MAML3: variants seen among roughly 807,000 people sequenced by gnomAD.
The protein encoded by MAML3 is mastermind-like protein 3.
A neutral mutation model predicts 101.9 loss-of-function variants in MAML3; 27 were observed. The ratio of observed to expected loss-of-function variants is 0.27; its 90% confidence interval spans 0.20 to 0.37. The LOEUF (loss-of-function observed/expected upper bound fraction) is 0.37. MAML3 is among the 10% of genes least tolerant of loss of function. The pLI, the probability that MAML3 is intolerant of heterozygous loss-of-function variation, is 1.00. For missense variants in MAML3, 1,316 were observed against 1,444.9 expected (o/e 0.91, Z 1.45); for synonymous variants, 501 against 555.9 (o/e 0.90, Z 1.39).
chr4:140,001,356 C>G (rs1734920281), intron 1 of MAML3, among the ~76,000 whole-genome samples: 1 of 152,164 alleles, frequency 6.6e-6, no homozygotes, highest in Admixed American at 6.5e-5. Flanking sequence ...TTACAATATT[C>G]ATTTAAGGAA....
chr4:140,104,480 T>A (rs1435152561), intron 1 of MAML3, among the ~76,000 whole-genome samples: 2 of 109,196 alleles, frequency 1.8e-5, no homozygotes, highest in Non-Finnish European at 3.8e-5. Context: ...TATAATTTTT[T>A]TTTTTTTTTT....
intron 1 of MAML3, among the ~76,000 whole-genome samples, chr4:139,930,272 A>G (rs1452336204): frequency 2.6e-5 from 4 of 152,222 alleles, no homozygotes; most frequent in African/African-American, 9.6e-5. Context: ...AGAGGTTCAC[A>G]ACAGATGCTA....
At chr4:139,797,104 C>T (rs1288938125) in intron 2 of MAML3, among the ~76,000 whole-genome samples, 1 of 152,130 alleles carries the variant, frequency 6.6e-6, no homozygotes, top group African/African-American at 2.4e-5. Flanking sequence ...AGGCTGCAGC[C>T]TTCAATTTGT....
At chr4:139,942,045 G>A (rs1209319836) in intron 1 of MAML3, among the ~76,000 whole-genome samples, 1 of 152,116 alleles carries the variant, frequency 6.6e-6, no homozygotes, top group Admixed American at 6.6e-5. Flanking sequence ...TGAGGCAGGA[G>A]AGTCACTTGA....
intron 2 of MAML3, among the ~76,000 whole-genome samples, chr4:139,855,927 C>T (rs1208352788): frequency 6.6e-6 from 1 of 152,146 alleles, no homozygotes; most frequent in Non-Finnish European, 1.5e-5. Context: ...GGGAAAACTC[C>T]CAGTCACTCT....
intron 1 of MAML3, among the ~76,000 whole-genome samples, chr4:139,919,055 C>A (rs1011358579): frequency 1.6e-4 from 24 of 152,146 alleles, no homozygotes; most frequent in African/African-American, 4.6e-4. Flanking sequence ...AAGAGAAATA[C>A]TACAGGTCCC....
At chr4:140,151,850 C>T (rs1002883819) in intron 1 of MAML3, among the ~76,000 whole-genome samples, 3 of 152,322 alleles carry the variant, frequency 2.0e-5, no homozygotes, top group African/African-American at 7.2e-5. Flanking sequence ...CCATTGGCTG[C>T]TCATCCTACC....
At chr4:140,061,626 C>T (rs1419784347) in intron 1 of MAML3, among the ~76,000 whole-genome samples, 2 of 152,190 alleles carry the variant, frequency 1.3e-5, no homozygotes, top group Non-Finnish European at 2.9e-5. Flanking sequence ...CCAACCTAGA[C>T]ATAGTTTTCA....
intron 1 of MAML3, among the ~76,000 whole-genome samples, chr4:140,132,360 C>G (rs1048200329): frequency 1.3e-5 from 2 of 152,220 alleles, no homozygotes; most frequent in Admixed American, 6.5e-5. Context: ...TCCAATATAA[C>G]TGGTCCCTCA....
At chr4:139,766,591 T>C (rs1351041978) in intron 2 of MAML3, among the ~76,000 whole-genome samples, 2 of 152,160 alleles carry the variant, frequency 1.3e-5, no homozygotes, top group African/African-American at 2.4e-5. Context: ...TTGGCACCTA[T>C]GGTAACCGGC....
At chr4:140,136,831 C>A (rs1220885747) in intron 1 of MAML3, among the ~76,000 whole-genome samples, 1 of 152,164 alleles carries the variant, frequency 6.6e-6, no homozygotes, top group Non-Finnish European at 1.5e-5. Context: ...AAATGATAAA[C>A]AATGATGCTA....
At chr4:140,038,711 GAGTT>G (rs1207452292) in intron 1 of MAML3, among the ~76,000 whole-genome samples, 1 of 152,180 alleles carries the variant, frequency 6.6e-6, no homozygotes, top group Admixed American at 6.5e-5. Context: ...CAATAATTAA[GAGTT>G]AGTCTACATA....
At chr4:140,136,478 T>C (rs1310343994) in intron 1 of MAML3, among the ~76,000 whole-genome samples, 2 of 152,222 alleles carry the variant, frequency 1.3e-5, no homozygotes, top group Non-Finnish European at 2.9e-5. Flanking sequence ...CGTGTTTATC[T>C]CAGATGACAT....
At chr4:140,006,202 C>G (rs887947135) in intron 1 of MAML3, among the ~76,000 whole-genome samples, 2 of 151,818 alleles carry the variant, frequency 1.3e-5, no homozygotes, top group East Asian at 3.9e-4. Context: ...GTTCCTAATT[C>G]GAGGGGGCCA....
intron 1 of MAML3, among the ~76,000 whole-genome samples, chr4:140,092,104 G>GTA (rs1416440469): frequency 0.013 from 1,011 of 79,146 alleles, 12 homozygotes; most frequent in Non-Finnish European, 0.016. Context: ...ATATATATAC[G>GTA]TATATATATA....
At chr4:139,722,755 G>A (rs76353954) in intron 4 of MAML3, among the ~76,000 whole-genome samples, 2 of 152,068 alleles carry the variant, frequency 1.3e-5, no homozygotes, top group Non-Finnish European at 2.9e-5. Context: ...TGAGAGTATG[G>A]GATAGGTTCT....
chr4:139,769,256 C>A (rs1729926112), intron 2 of MAML3, among the ~76,000 whole-genome samples: 1 of 152,166 alleles, frequency 6.6e-6, no homozygotes, highest in South Asian at 2.1e-4. Context: ...AGGAGAGATG[C>A]ATCCCTCATG....
At chr4:140,130,009 T>C (rs1160736669) in intron 1 of MAML3, among the ~76,000 whole-genome samples, 1 of 152,036 alleles carries the variant, frequency 6.6e-6, no homozygotes, top group Non-Finnish European at 1.5e-5. Context: ...TAATATTTGT[T>C]ACTATTCTAA....
At chr4:140,081,938 T>C (rs1325014437) in intron 1 of MAML3, among the ~76,000 whole-genome samples, 3 of 152,234 alleles carry the variant, frequency 2.0e-5, no homozygotes, top group East Asian at 1.9e-4. Context: ...AATAGGACCT[T>C]CTGCTTTGAA....
Sources: gnomAD v4.1 joint callset for allele counts (sites outside exome capture counted in the v4.1 genomes callset) on GRCh38, gnomAD v4.1.1 for gene constraint, MANE v1.5 for transcripts, NCBI Gene and HGNC (gene_info 2026-07-23, HGNC 2026-07-21) for gene names.